Variants in MGAT4C observed in about 807,000 individuals in gnomAD.
MGAT4C encodes the protein alpha-1,3-mannosyl-glycoprotein 4-beta-N-acetylglucosaminyltransferase C.
In MGAT4C, 19 loss-of-function variants were observed where a neutral mutation model predicts 40.1. That is an observed-to-expected ratio of 0.47 (90% CI 0.33 to 0.70). MGAT4C has a LOEUF of 0.70. MGAT4C is among the 30% of genes least tolerant of loss of function. The probability of loss-of-function intolerance (pLI) is 0.02; values close to 1 mark genes in which losing one functional copy is unlikely to be tolerated. For synonymous variants in MGAT4C, 181 were observed against 187.1 expected, an observed-to-expected ratio of 0.97 and a Z score of 0.27; for missense variants, 491 against 563.2, an observed-to-expected ratio of 0.87 and a Z score of 1.30.
chr12:86,748,543 AGAG>A (rs1210990368), intron 1 of MGAT4C, among the ~76,000 whole-genome samples: 2 of 151,746 alleles, frequency 1.3e-5, no homozygotes, highest in Non-Finnish European at 3.0e-5. Flanking sequence ...ATGTATAAGA[AGAG>A]GAGGGGGAGC....
At chr12:86,690,839 G>A (rs1000117767) in intron 2 of MGAT4C, among the ~76,000 whole-genome samples, 2 of 152,052 alleles carry the variant, frequency 1.3e-5, no homozygotes, top group Non-Finnish European at 1.5e-5. Context: ...AGCTTTAATG[G>A]TCCGTCATCT....
chr12:86,152,246 C>G (rs1280313924), intron 1 of MGAT4C, among the ~76,000 whole-genome samples: 1 of 152,206 alleles, frequency 6.6e-6, no homozygotes, highest in Non-Finnish European at 1.5e-5. Flanking sequence ...GTTTATAAAA[C>G]CAGAAATTTA....
At chr12:86,336,820 G>A (rs1036982816) in intron 3 of MGAT4C, among the ~76,000 whole-genome samples, 3 of 152,046 alleles carry the variant, frequency 2.0e-5, no homozygotes, top group Non-Finnish European at 4.4e-5. Flanking sequence ...TAAGAGAAAG[G>A]AAAGGCACTT....
chr12:86,396,494 T>G (rs1253223871), intron 3 of MGAT4C, among the ~76,000 whole-genome samples: 2 of 152,172 alleles, frequency 1.3e-5, no homozygotes, highest in Non-Finnish European at 2.9e-5. Context: ...AGCAGGAAAT[T>G]AATGCTCTTG....
intron 2 of MGAT4C, among the ~76,000 whole-genome samples, chr12:86,000,797 C>G (rs1887209282): frequency 1.3e-5 from 2 of 151,736 alleles, no homozygotes; most frequent in African/African-American, 2.4e-5. Context: ...ATAGCTAACC[C>G]AGATTTTCTT....
intron 1 of MGAT4C, among the ~76,000 whole-genome samples, chr12:86,760,326 A>G (rs1163984377): frequency 6.6e-6 from 1 of 152,156 alleles, no homozygotes; most frequent in East Asian, 1.9e-4. Context: ...ACTAGAAAAA[A>G]CTAGAAGAAA....
At chr12:86,386,811 A>G (rs7134288) in intron 3 of MGAT4C, among the ~76,000 whole-genome samples, 4,132 of 152,254 alleles carry the variant, frequency 0.027, 156 homozygotes, top group African/African-American at 0.086. Context: ...TTTTATATAT[A>G]CAATATCTTG....
intron 2 of MGAT4C, among the ~76,000 whole-genome samples, chr12:86,024,750 T>A (rs555284787): frequency 1.3e-3 from 198 of 151,956 alleles, no homozygotes; most frequent in African/African-American, 4.6e-3. Context: ...ATTGAAGCAG[T>A]CATTTCCATA....
At chr12:86,319,367 G>T (rs914653468) in intron 4 of MGAT4C, among the ~76,000 whole-genome samples, 1 of 152,078 alleles carries the variant, frequency 6.6e-6, no homozygotes, top group Non-Finnish European at 1.5e-5. Context: ...ACATGCATAA[G>T]AAATCTCTCT....
intron 2 of MGAT4C, among the ~76,000 whole-genome samples, chr12:86,499,882 T>C (rs1958307578): frequency 6.6e-6 from 1 of 151,942 alleles, no homozygotes; most frequent in South Asian, 2.1e-4. Context: ...AAATGAAGTT[T>C]CCAGGATCAT....
At chr12:86,180,125 T>C (rs548810108) in intron 1 of MGAT4C, among the ~76,000 whole-genome samples, 6 of 152,344 alleles carry the variant, frequency 3.9e-5, no homozygotes, top group African/African-American at 1.4e-4. Flanking sequence ...GGGGCCAATG[T>C]AGAGCTTGGG....
chr12:85,965,931 T>A lies in MGAT4C; in HGVS notation c.*13358A>T, dbSNP rs1883341528. ...ACAAGGTGACTTGTAGGACTCTGGA[T>A]AGAAAGAGATGGCCCAGGATACAGA... On this transcript the variant is annotated 3_prime_UTR_variant, in exon 5 of 5. Transcript: ENST00000611864. 6.6e-6 allele frequency: 1 copy of A among 152,100 alleles called. No homozygotes were observed. The highest frequency in any genetic ancestry group is 2.4e-5 in the African/African-American group (1 of 41,432). The allele number at this position is 152,100 out of a possible 1,614,324, so 9.4% of individuals were successfully genotyped here. A position where few individuals can be genotyped will look rare whatever the true frequency, so the allele number is the denominator to read the frequency against.
intron 1 of MGAT4C, among the ~76,000 whole-genome samples, chr12:86,774,360 C>CTTT (rs1951711528): frequency 3.0e-5 from 1 of 32,794 alleles, no homozygotes; most frequent in African/African-American, 8.3e-5. Flanking sequence ...TCTCCCCTCT[C>CTTT]TCTCTCTCTC....
At chr12:86,768,234 G>C (rs1353821024) in intron 1 of MGAT4C, among the ~76,000 whole-genome samples, 3 of 152,138 alleles carry the variant, frequency 2.0e-5, no homozygotes, top group Non-Finnish European at 2.9e-5. Context: ...CAGACAAACA[G>C]AGAGCTAAAT....
intron 2 of MGAT4C, among the ~76,000 whole-genome samples, chr12:86,662,959 TTAAAG>T (rs1484726927): frequency 9.9e-5 from 15 of 152,226 alleles, no homozygotes; most frequent in Admixed American, 7.8e-4. Context: ...TTAATTGCAG[TTAAAG>T]TAATTTCCAT....
Position 85,973,073 on chromosome 12 carries a change from T to A in MGAT4C, c.*6216A>T, listed in dbSNP as rs1363666107. 6.6e-6 allele frequency: 1 copy of A among 150,694 alleles called. No individual in the cohort carries two copies. The highest frequency in any genetic ancestry group is 1.5e-5 in the Non-Finnish European group (1 of 66,972). The allele number at this position is 150,694 out of a possible 1,614,324, so 9.3% of individuals were successfully genotyped here. A position where few individuals can be genotyped will look rare whatever the true frequency, so the allele number is the denominator to read the frequency against. ...ACAAAAAAAGTACTTTTTAAATGTC[T>A]AGTTTCTAATAGAGTTAGAGCTTTG... On this transcript the variant is annotated 3_prime_UTR_variant, in exon 5 of 5. Coordinates refer to ENST00000611864, the MANE Select transcript of MGAT4C (RefSeq NM_001351288.2).
intron 3 of MGAT4C, among the ~76,000 whole-genome samples, chr12:86,364,851 A>G (rs772876593): frequency 6.6e-6 from 1 of 152,170 alleles, no homozygotes; most frequent in African/African-American, 2.4e-5. Context: ...AGGTAATAGA[A>G]TATCACAAAG....
intron 2 of MGAT4C, among the ~76,000 whole-genome samples, chr12:86,621,768 G>GT (rs1455491714): frequency 7.9e-5 from 12 of 152,152 alleles, no homozygotes; most frequent in Admixed American, 7.9e-4. Context: ...ATGAGCCACT[G>GT]TGCCCAGCTG....
At chr12:85,988,632 AATAGCAATAATGTCTGTATTAATCTC>A (rs986824291) in intron 3 of MGAT4C, among the ~76,000 whole-genome samples, 2 of 152,040 alleles carry the variant, frequency 1.3e-5, no homozygotes, top group Admixed American at 6.5e-5. Flanking sequence ...AGAAAAAGTG[AATAGCAATAATGTCTGTATTAATCTC>A]ATCAGACATG....
Sources: allele counts gnomAD v4.1 joint callset (sites outside exome capture counted in the v4.1 genomes callset), GRCh38; gene constraint gnomAD v4.1.1; transcripts MANE v1.5; gene names NCBI Gene and HGNC (gene_info 2026-07-23, HGNC 2026-07-21).